CGNL1: variants seen among roughly 807,000 people sequenced by gnomAD.
CGNL1 encodes cingulin-like protein 1.
CGNL1 carries 132 observed loss-of-function variants against 141.2 expected under a neutral mutation model. That is an observed-to-expected ratio of 0.93 (90% CI 0.81 to 1.08). The LOEUF is 1.08. Ranked by LOEUF, CGNL1 falls within the 50% of genes least tolerant of loss-of-function variation. The pLI is 0.00. For missense variants in CGNL1, 1,870 were observed against 1,588.6 expected (o/e 1.18, Z -3.01); for synonymous variants, 690 against 622.1 (o/e 1.11, Z -1.63).
At chr15:57,476,767 T>C (rs1452400859) in intron 8 of CGNL1, among the ~76,000 whole-genome samples, 1 of 152,200 alleles carries the variant, frequency 6.6e-6, no homozygotes, top group East Asian at 1.9e-4. Flanking sequence ...ATTAGTTTAG[T>C]TTCATGAAAG....
chr15:57,417,537 T>G (rs2062862375), intron 1 of CGNL1, among the ~76,000 whole-genome samples: 1 of 152,086 alleles, frequency 6.6e-6, no homozygotes, highest in Admixed American at 6.5e-5. Flanking sequence ...CCCAGCCTAT[T>G]GTGCCATTTC....
At chr15:57,529,164 G>A (rs1309166137) in intron 13 of CGNL1, among the ~76,000 whole-genome samples, 1 of 152,176 alleles carries the variant, frequency 6.6e-6, no homozygotes, top group Non-Finnish European at 1.5e-5. Context: ...TAACTAGAAG[G>A]AACCAGACTG....
At chr15:57,463,088 T>C (rs1364262125) in intron 8 of CGNL1, among the ~76,000 whole-genome samples, 1 of 152,200 alleles carries the variant, frequency 6.6e-6, no homozygotes, top group Non-Finnish European at 1.5e-5. Flanking sequence ...CATATCTTTA[T>C]CACCCTTAAA....
chr15:57,470,530 G>T (rs184866614), intron 8 of CGNL1, among the ~76,000 whole-genome samples: 2 of 152,062 alleles, frequency 1.3e-5, no homozygotes, highest in Admixed American at 6.6e-5. Flanking sequence ...GATAAACAGA[G>T]CATCTCTGCA....
intron 6 of CGNL1, among the ~76,000 whole-genome samples, chr15:57,453,152 A>G (rs184877375): frequency 2.6e-5 from 4 of 152,254 alleles, no homozygotes; most frequent in African/African-American, 7.2e-5. Context: ...TGTGGGTCAT[A>G]TAGTCTGTTG....
At chr15:57,477,938 A>T (rs1446529394) in intron 8 of CGNL1, among the ~76,000 whole-genome samples, 2 of 152,150 alleles carry the variant, frequency 1.3e-5, no homozygotes, top group Non-Finnish European at 2.9e-5. Flanking sequence ...GGCCCAGTGG[A>T]GAAGGAGGGT....
intron 8 of CGNL1, among the ~76,000 whole-genome samples, chr15:57,497,203 C>A (rs1297628729): frequency 6.6e-6 from 1 of 152,148 alleles, no homozygotes; most frequent in African/African-American, 2.4e-5. Context: ...CAAAGGGCAC[C>A]AGTGACAGCG....
intron 1 of CGNL1, among the ~76,000 whole-genome samples, chr15:57,425,681 C>A (rs1408081979): frequency 7.1e-6 from 1 of 140,592 alleles, no homozygotes; most frequent in Admixed American, 7.8e-5. Context: ...ATAGAGATTG[C>A]AATGAGCTGA....
intron 8 of CGNL1, among the ~76,000 whole-genome samples, chr15:57,466,685 A>G (rs1288531952): frequency 6.6e-6 from 1 of 152,202 alleles, no homozygotes; most frequent in Non-Finnish European, 1.5e-5. Context: ...ATGAATAGAC[A>G]AAAAGGGAGA....
chr15:57,406,471 G>A (rs1477997478), intron 1 of CGNL1, among the ~76,000 whole-genome samples: 1 of 152,210 alleles, frequency 6.6e-6, no homozygotes, highest in African/African-American at 2.4e-5. Flanking sequence ...AGCCAGTTAA[G>A]GGTTCTGAGA....
intron 8 of CGNL1, among the ~76,000 whole-genome samples, chr15:57,514,415 G>A (rs1278224949): frequency 6.6e-6 from 1 of 152,186 alleles, no homozygotes; most frequent in Non-Finnish European, 1.5e-5. Context: ...GCCTCTTAAA[G>A]TGCAGAGACT....
chr15:57,454,713 C>T (rs1486789975), intron 7 of CGNL1, among the ~76,000 whole-genome samples: 2 of 152,074 alleles, frequency 1.3e-5, no homozygotes, highest in Non-Finnish European at 2.9e-5. Flanking sequence ...CCTGAGAAGC[C>T]CTCAGCATTG....
At position 57,531,203 on chromosome 15, in the gene CGNL1, G is replaced by A. The variant is rs78607668; in HGVS notation, c.3202-487G>A. ...GTTAATCCAATGCAGGTTTGGGAGTGCATCGTGCAAATGCATGCTGTTCCT... is the reference window on the plus strand; with the variant it reads ...GTTAATCCAATGCAGGTTTGGGAGTACATCGTGCAAATGCATGCTGTTCCT... On this transcript the variant is annotated intron_variant, in intron 13 of 18. Transcript: ENST00000281282. 2.8e-3 allele frequency among the ~76,000 whole-genome samples: 433 copies of A among 152,312 alleles called. 1 individual carries two copies. Among genetic ancestry groups the A allele is most frequent in the African/African-American group, 9.9e-3 (413 of 41,564 alleles).
At chr15:57,522,760 G>A (rs2031350936) in intron 10 of CGNL1, among the ~76,000 whole-genome samples, 2 of 152,346 alleles carry the variant, frequency 1.3e-5, no homozygotes, top group Non-Finnish European at 2.9e-5. Flanking sequence ...GGGGAACTAA[G>A]GGGAGTATTG....
rs1201228242 is a variant in CGNL1, at chr15:57,451,582, A to G, written c.1886A>G (p.Gln629Arg). 6.2e-7 allele frequency: 1 copy of G among 1,609,638 alleles called. No homozygotes were observed. The highest frequency in any genetic ancestry group is 1.1e-5 in the South Asian group (1 of 90,402). ...LTIEVAELQR[Q>R]LQLEVKNQQN... ...ATAGAAGTGGCTGAACTTCAGAGACAGCTTCAACTGGAAGTCAAGGTATCT... is the reference window on the plus strand; with the variant it reads ...ATAGAAGTGGCTGAACTTCAGAGACGGCTTCAACTGGAAGTCAAGGTATCT... The change falls in exon 5 of 19, where the codon CAG (glutamine) becomes CGG (arginine). Residue 629 changes from glutamine (Q) to arginine (R), a missense_variant. Gln to Arg is a conservative substitution (Grantham distance 43, BLOSUM62 1). Coordinates refer to ENST00000281282, the MANE Select transcript of CGNL1 (RefSeq NM_032866.5).
At chr15:57,427,372 G>A (rs1039821713) in intron 1 of CGNL1, among the ~76,000 whole-genome samples, 95 of 152,226 alleles carry the variant, frequency 6.2e-4, no homozygotes, top group African/African-American at 2.3e-3. Context: ...ACAAATACAG[G>A]TGCCTATCAT....
rs1051142746 is a variant in CGNL1 at position 57,408,660 on chromosome 15, C to T, written c.-15-29325C>T. Among the ~76,000 whole-genome samples, 9 of 152,184 alleles carry T rather than the reference C, an allele frequency of 5.9e-5. No homozygotes were observed. In the South Asian group the frequency reaches 8.3e-4, roughly 14 times the overall value. ...CAGCTGGGACTACAGGCACACAGAC[C>T]GCACCCAGCTCATTAGTGTCCTTTT... is the stretch of plus-strand genomic sequence containing the variant. On this transcript the variant is annotated intron_variant, in intron 1 of 18. Coordinates refer to ENST00000281282, the MANE Select transcript of CGNL1 (RefSeq NM_032866.5).
intron 8 of CGNL1, among the ~76,000 whole-genome samples, chr15:57,499,238 C>CTTTTTTT (rs201081475): frequency 4.4e-5 from 4 of 91,846 alleles, no homozygotes; most frequent in Non-Finnish European, 6.3e-5. Flanking sequence ...AAGTTAATGG[C>CTTTTTTT]TTTTTTTTTT....
chr15:57,537,342 G>A (rs550100040), intron 14 of CGNL1, among the ~76,000 whole-genome samples: 66 of 152,088 alleles, frequency 4.3e-4, no homozygotes, highest in Non-Finnish European at 8.4e-4. Context: ...AGTCACTTTC[G>A]GGAACTGCTC....
Sources: gnomAD v4.1 joint callset for allele counts (sites outside exome capture counted in the v4.1 genomes callset) on GRCh38, gnomAD v4.1.1 for gene constraint, MANE v1.5 for transcripts, NCBI Gene and HGNC (gene_info 2026-07-23, HGNC 2026-07-21) for gene names.